The following CA10 variants were observed in gnomAD, a reference collection of about 807,000 sequenced individuals.
CA10 encodes carbonic anhydrase-related protein 10.
In CA10, 14 loss-of-function variants were observed where a neutral mutation model predicts 44.2. The observed-to-expected ratio is 0.32, with a 90% CI of 0.21 to 0.50. The LOEUF is 0.50. Among genes scored for constraint, CA10 ranks in the 20% least tolerant of loss-of-function variants. The pLI is 0.99. For missense variants in CA10, 350 were observed against 409.7 expected (o/e 0.85, Z 1.26); for synonymous variants, 159 against 141.6 (o/e 1.12, Z -0.87).
At chr17:51,701,749 A>G (rs763932331) in intron 4 of CA10, among the ~76,000 whole-genome samples, 7 of 152,240 alleles carry the variant, frequency 4.6e-5, no homozygotes, top group Admixed American at 6.5e-5. Flanking sequence ...GAAAAATCCT[A>G]TTTTGACAAA....
At position 51,908,925 on chromosome 17, in the gene CA10, C is replaced by T. The variant is rs1392551131; in HGVS notation, c.279+22065G>A. 5.9e-5 allele frequency among the ~76,000 whole-genome samples: 9 copies of T among 152,238 alleles called. No homozygotes were observed. In the East Asian group the frequency reaches 1.4e-3, roughly 23 times the overall value. On this transcript the variant is annotated intron_variant, in intron 3 of 8. Transcript: ENST00000451037. ...TGATTATGCTAATCTGATATCGACA[C>T]AAAGACATTAGTAAAATAGGCCACT... is the stretch of plus-strand genomic sequence containing the variant.
chr17:52,021,077 A>G (rs9896168), intron 2 of CA10, among the ~76,000 whole-genome samples: 57,157 of 151,838 alleles, frequency 0.38, 12,774 homozygotes, highest in East Asian at 0.73. Context: ...GGTTGATTCC[A>G]TATAACAAAC....
intron 3 of CA10, among the ~76,000 whole-genome samples, chr17:51,868,055 G>GTAAC (rs1979629643): frequency 7.5e-6 from 1 of 133,420 alleles, no homozygotes; most frequent in Non-Finnish European, 1.6e-5. Context: ...TAAAGCAGGT[G>GTAAC]TAACACACAC....
At chr17:51,949,132 G>T (rs968297431) in intron 2 of CA10, among the ~76,000 whole-genome samples, 2 of 152,116 alleles carry the variant, frequency 1.3e-5, no homozygotes, top group African/African-American at 4.8e-5. Flanking sequence ...AGTAATTGGG[G>T]CAGCAGGATT....
At chr17:52,101,449 G>T (rs1988538021) in intron 1 of CA10, among the ~76,000 whole-genome samples, 2 of 152,120 alleles carry the variant, frequency 1.3e-5, no homozygotes, top group Non-Finnish European at 2.9e-5. Context: ...CTGTTAAGTG[G>T]CAGGTCATAA....
intron 3 of CA10, among the ~76,000 whole-genome samples, chr17:51,839,500 CAAAAAAAAAAAAAAA>C: frequency 2.8e-5 from 1 of 36,288 alleles, no homozygotes; most frequent in Non-Finnish European, 4.4e-5. Context: ...GACTCCTTCT[CAAAAAAAAAAAAAAA>C]AAAAAAAAAA....
chr17:52,030,615 G>A (rs1297583438), intron 2 of CA10, among the ~76,000 whole-genome samples: 3 of 152,146 alleles, frequency 2.0e-5, no homozygotes, highest in African/African-American at 7.2e-5. Context: ...ATTATTTTTA[G>A]GTGTCTGTGA....
Position 52,136,800 on chromosome 17 carries a change from G to T in CA10, c.61+20926C>A, listed in dbSNP as rs79315654. Among the ~76,000 whole-genome samples the T allele has an allele frequency of 6.7e-3, 1,025 of 152,272 alleles. 12 individuals carry two copies. The highest frequency in any genetic ancestry group is 0.023 in the African/African-American group (961 of 41,548). Reference sequence around the variant, plus strand: ...GGATGGAAGGAAGGAGGTGACAGAAGAGAGTATATTTCATGTATATTCCTT... The same window carrying T: ...GGATGGAAGGAAGGAGGTGACAGAATAGAGTATATTTCATGTATATTCCTT... On this transcript the variant is annotated intron_variant, in intron 1 of 8. Coordinates refer to ENST00000451037, the MANE Select transcript of CA10 (RefSeq NM_020178.5).
intron 3 of CA10, among the ~76,000 whole-genome samples, chr17:51,799,012 G>C (rs1906823180): frequency 6.6e-6 from 1 of 152,176 alleles, no homozygotes; most frequent in South Asian, 2.1e-4. Context: ...GGAGTAGCTA[G>C]GAAGTTTTGT....
At chr17:51,804,327 G>T (rs976453438) in intron 3 of CA10, among the ~76,000 whole-genome samples, 6 of 152,104 alleles carry the variant, frequency 3.9e-5, no homozygotes, top group Non-Finnish European at 7.4e-5. Context: ...ATCACTGTCC[G>T]CATTTGTTTC....
intron 3 of CA10, among the ~76,000 whole-genome samples, chr17:51,817,402 C>T (rs1907602168): frequency 6.6e-6 from 1 of 152,188 alleles, no homozygotes; most frequent in Non-Finnish European, 1.5e-5. Flanking sequence ...GTTTGCCAAC[C>T]TCTGCCCTAG....
intron 3 of CA10, among the ~76,000 whole-genome samples, chr17:51,811,295 A>ATT (rs71149380): frequency 1.3e-5 from 2 of 151,992 alleles, no homozygotes; most frequent in Non-Finnish European, 2.9e-5. Flanking sequence ...TGAGTGGCTG[A>ATT]TTTTTTTATT....
chr17:51,876,160 G>GTTTTTTTTTTTTTTTTTTTTTTTTT (rs3033579), intron 3 of CA10, among the ~76,000 whole-genome samples: 1 of 59,762 alleles, frequency 1.7e-5, no homozygotes, highest in Non-Finnish European at 2.9e-5. Context: ...TTCTTCTCTC[G>GTTTTTTTTTTTTTTTTTTTTTTTTT]TTTTTTTTTT....
rs1333801458 is a variant in CA10 at position 51,890,911 on chromosome 17, C to T, written c.279+40079G>A. Among the ~76,000 whole-genome samples the T allele has an allele frequency of 2.6e-5, 4 of 152,166 alleles. No individual in the cohort carries two copies. The East Asian group carries it at 5.8e-4, about 22-fold the overall frequency. ...AAACTTGTTTCTGCTCAGTGCACAGCAGACAGCCCGGAAAGAGTCTTATGA... is the reference window on the plus strand; with the variant it reads ...AAACTTGTTTCTGCTCAGTGCACAGTAGACAGCCCGGAAAGAGTCTTATGA... On this transcript the variant is annotated intron_variant, in intron 3 of 8. Transcript: ENST00000451037.
chr17:52,063,815 A>G (rs1334677224), intron 2 of CA10, among the ~76,000 whole-genome samples: 7 of 152,188 alleles, frequency 4.6e-5, no homozygotes, highest in Admixed American at 4.6e-4. Context: ...AGCCTCAGGT[A>G]TTCATTTACG....
chr17:51,640,921 T>C (rs959065594), intron 6 of CA10, among the ~76,000 whole-genome samples: 19 of 152,118 alleles, frequency 1.2e-4, no homozygotes, highest in Non-Finnish European at 2.1e-4. Flanking sequence ...CAAGGCTCTA[T>C]TCATGAGTAA....
chr17:52,055,738 T>C (rs1198413568), intron 2 of CA10, among the ~76,000 whole-genome samples: 3 of 152,150 alleles, frequency 2.0e-5, no homozygotes, highest in Non-Finnish European at 4.4e-5. Flanking sequence ...AATATTTTCC[T>C]AGTAAAAATA....
intron 1 of CA10, among the ~76,000 whole-genome samples, chr17:52,134,619 T>G (rs1217434651): frequency 6.6e-6 from 1 of 152,146 alleles, no homozygotes; most frequent in Non-Finnish European, 1.5e-5. Context: ...TAATAGTAAG[T>G]TTGTTCTTAT....
At chr17:52,047,997 C>T (rs771921851) in intron 2 of CA10, among the ~76,000 whole-genome samples, 13 of 150,788 alleles carry the variant, frequency 8.6e-5, no homozygotes, top group Non-Finnish European at 1.8e-4. Context: ...ACTTGCTTCT[C>T]ATCTATACAC....
Sources: gnomAD v4.1 joint callset for allele counts (sites outside exome capture counted in the v4.1 genomes callset) on GRCh38, gnomAD v4.1.1 for gene constraint, MANE v1.5 for transcripts, NCBI Gene and HGNC (gene_info 2026-07-23, HGNC 2026-07-21) for gene names.